Variants in CCNT2 observed in about 807,000 individuals in gnomAD.
CCNT2 encodes the protein cyclin-T2.
CCNT2 carries 18 observed loss-of-function variants against 70.0 expected under a neutral mutation model. The observed-to-expected ratio is 0.26, with a 90% CI of 0.18 to 0.38. CCNT2 has a LOEUF of 0.38. Among genes scored for constraint, CCNT2 ranks in the 10% least tolerant of loss-of-function variants. The pLI, the probability that CCNT2 is intolerant of heterozygous loss-of-function variation, is 1.00. For synonymous variants in CCNT2, 334 were observed against 313.3 expected, an observed-to-expected ratio of 1.07 and a Z score of -0.70; for missense variants, 734 against 890.2, an observed-to-expected ratio of 0.82 and a Z score of 2.23.
intron 5 of CCNT2, chr2:134,943,484 AG>A: frequency 3.0e-6 from 3 of 985,084 alleles, no homozygotes; most frequent in Non-Finnish European, 3.6e-6. Flanking sequence ...GTATTTTTCG[AG>A]GGTCTTTGAC....
chr2:134,919,915 A>G (rs1383943121), intron 2 of CCNT2, 24 bp downstream of exon 2: 2 of 1,515,852 alleles, frequency 1.3e-6, no homozygotes, highest in African/African-American at 2.8e-5. Context: ...GTCTGTTTTT[A>G]CTGTCCGCAA....
Position 134,957,328 on chromosome 2 carries a change from C to T in CCNT2, c.*2680C>T, listed in dbSNP as rs879404239. 5 of 152,046 alleles carry T rather than the reference C, an allele frequency of 3.3e-5. No individual in the cohort carries two copies. Among genetic ancestry groups the T allele is most frequent in the African/African-American group, 1.2e-4 (5 of 41,386 alleles). The allele number at this position is 152,046 out of a possible 1,614,324, so 9.4% of individuals were successfully genotyped here. ...TATGAAATTCCACATGTGCAAAGTA[C>T]TGTTAAGGTGATAACATTTTTGATG... On this transcript the variant is annotated 3_prime_UTR_variant, in exon 9 of 9. Coordinates refer to ENST00000264157, the MANE Select transcript of CCNT2 (RefSeq NM_058241.3).
intron 2 of CCNT2, among the ~76,000 whole-genome samples, chr2:134,921,615 A>G (rs1679914301): frequency 6.6e-6 from 1 of 152,174 alleles, no homozygotes; most frequent in South Asian, 2.1e-4. Flanking sequence ...CGGCCTCCCA[A>G]AGTGCTGGGA....
intron 5 of CCNT2, chr2:134,942,912 G>C (rs569786253): frequency 1.5e-6 from 2 of 1,320,634 alleles, no homozygotes; most frequent in Admixed American, 7.1e-5. Flanking sequence ...ACTCCGGAGG[G>C]CTTCCAAGTA....
chr2:134,922,447 A>C (rs1313312487), intron 2 of CCNT2, among the ~76,000 whole-genome samples: 2 of 152,246 alleles, frequency 1.3e-5, no homozygotes, highest in African/African-American at 4.8e-5. Context: ...AATCAGTATC[A>C]GCATGTTTTG....
chr2:134,922,398 C>G (rs1679979490), intron 2 of CCNT2, among the ~76,000 whole-genome samples: 1 of 152,020 alleles, frequency 6.6e-6, no homozygotes, highest in South Asian at 2.1e-4. Flanking sequence ...TTTAAAACCC[C>G]CAAAAGTAAT....
chr2:134,945,444 A>G (rs889172435), intron 5 of CCNT2: 14 of 985,266 alleles, frequency 1.4e-5, no homozygotes, highest in Non-Finnish European at 1.7e-5. Context: ...GTTGGGTATC[A>G]GTGTTGAAGC....
chr2:134,936,965 G>A lies in CCNT2; in HGVS notation c.365G>A (p.Cys122Tyr). The A allele has an allele frequency of 6.2e-7, 1 of 1,603,078 alleles. No individual in the cohort carries two copies. Among genetic ancestry groups the A allele is most frequent in the Non-Finnish European group, 8.5e-7 (1 of 1,172,966 alleles). Residue 122 changes from cysteine to tyrosine, a missense_variant, in exon 3 of 9, where the codon TGT (cysteine) becomes TAT (tyrosine). Coordinates refer to ENST00000264157, the MANE Select transcript of CCNT2 (RefSeq NM_058241.3). ...HPLEPLLDTK[C>Y]DAYLQQTQEL... ...CTAGAGCCACTGCTGGATACTAAATGTGATGTATGTAAATACTGGGTTTTT... is the reference window on the plus strand; with the variant it reads ...CTAGAGCCACTGCTGGATACTAAATATGATGTATGTAAATACTGGGTTTTT...
chr2:134,935,846 CAA>C (rs1276867881), intron 2 of CCNT2, among the ~76,000 whole-genome samples: 1 of 151,828 alleles, frequency 6.6e-6, no homozygotes, highest in Non-Finnish European at 1.5e-5. Context: ...CTCTGATTGG[CAA>C]AGTTTCTACT....
chr2:134,935,506 AT>A (rs1681081871), intron 2 of CCNT2, among the ~76,000 whole-genome samples: 1 of 152,174 alleles, frequency 6.6e-6, no homozygotes, highest in Non-Finnish European at 1.5e-5. Flanking sequence ...CCAGTTTGGC[AT>A]TGTTTCTGTA....
intron 1 of CCNT2, 36 bp from the exon 2 acceptor site, chr2:134,919,774 G>T (rs1679738650): frequency 1.3e-6 from 2 of 1,503,756 alleles, no homozygotes; most frequent in Admixed American, 1.8e-5. Flanking sequence ...ATGAGATCTT[G>T]CTTTTGTCAG....
At chr2:134,919,738 A>G in intron 1 of CCNT2, 72 bp from the exon 2 acceptor site, 1 of 1,207,446 alleles carries the variant, frequency 8.3e-7, no homozygotes, top group Non-Finnish European at 1.2e-6. Flanking sequence ...AGAACCTGGG[A>G]ATTTTCCATC....
chr2:134,925,692 G>A (rs1295870569), intron 2 of CCNT2, among the ~76,000 whole-genome samples: 1 of 152,030 alleles, frequency 6.6e-6, no homozygotes, highest in Non-Finnish European at 1.5e-5. Flanking sequence ...CATTTGGATT[G>A]TTAGCCACTT....
intron 5 of CCNT2, chr2:134,945,821 T>C (rs1681917851): frequency 7.0e-7 from 1 of 1,433,530 alleles, no homozygotes; most frequent in African/African-American, 1.4e-5. Context: ...GCTGACTAGA[T>C]GCTTAACTTA....
Position 134,952,771 on chromosome 2 carries a change from A to T in CCNT2, c.774+60A>T, listed in dbSNP as rs774617561. 1.6e-5 allele frequency: 19 copies of T among 1,183,910 alleles called. No individual in the cohort carries two copies. In the East Asian group the frequency reaches 4.5e-4, roughly 28 times the overall value. The allele number at this position is 1,183,910 out of a possible 1,614,324, so 73.3% of individuals were successfully genotyped here. On this transcript the variant is annotated intron_variant, in intron 8 of 8. Coordinates refer to ENST00000264157, the MANE Select transcript of CCNT2 (RefSeq NM_058241.3). ...TCTTTTATGTAACATTTACATAGCT[A>T]ACCAGTTTGAATTTTTGTGGTTAAA... is the stretch of plus-strand genomic sequence containing the variant.
chr2:134,942,596 G>T lies in CCNT2; in HGVS notation c.431-16G>T. 1 of 1,604,842 alleles carries T rather than the reference G, an allele frequency of 6.2e-7. No individual in the cohort carries two copies. The highest frequency in any genetic ancestry group is 1.1e-5 in the South Asian group (1 of 90,012). On this transcript the variant is annotated splice_polypyrimidine_tract_variant and intron_variant, in intron 4 of 8. Coordinates refer to ENST00000264157, the MANE Select transcript of CCNT2 (RefSeq NM_058241.3). ...TAGTGGTAAGAGATTGGAAAAAAAAGTGCTTATCATTTCAGGTTTTGAGAT... is the reference window on the plus strand; with the variant it reads ...TAGTGGTAAGAGATTGGAAAAAAAATTGCTTATCATTTCAGGTTTTGAGAT...
In CCNT2 at chr2:134,958,784, A is replaced by T. The variant is rs965637987; in HGVS notation, c.*4136A>T. Reference sequence around the variant, plus strand: ...ATTAATTTTCTGCTCTGCAGTGTCAATTTGGGCACAGCCAGTTTTTACCTC... The same window carrying T: ...ATTAATTTTCTGCTCTGCAGTGTCATTTTGGGCACAGCCAGTTTTTACCTC... On this transcript the variant is annotated 3_prime_UTR_variant, in exon 9 of 9. Coordinates refer to ENST00000264157, the MANE Select transcript of CCNT2 (RefSeq NM_058241.3). 5.3e-5 allele frequency: 8 copies of T among 152,166 alleles called. No individual in the cohort carries two copies. The highest frequency in any genetic ancestry group is 8.8e-5 in the Non-Finnish European group (6 of 68,032). 9.4% of individuals were successfully genotyped at this position (152,166 alleles called of 1,614,324 possible).
chr2:134,958,602 T>A lies in CCNT2; in HGVS notation c.*3954T>A, dbSNP rs776244094. The A allele has an allele frequency of 2.0e-5, 3 of 152,204 alleles. No individual in the cohort carries two copies. Among genetic ancestry groups the A allele is most frequent in the Non-Finnish European group, 2.9e-5 (2 of 68,036 alleles). The allele number at this position is 152,204 out of a possible 1,614,324, so 9.4% of individuals were successfully genotyped here. On this transcript the variant is annotated 3_prime_UTR_variant, in exon 9 of 9. Transcript: ENST00000264157. ...AGAATCACATTCTGATACGTTAATA[T>A]CAGAAATCAGTGAGCAACCTAATTG...
chr2:134,934,573 A>C (rs1681014763), intron 2 of CCNT2, among the ~76,000 whole-genome samples: 1 of 152,206 alleles, frequency 6.6e-6, no homozygotes, highest in African/African-American at 2.4e-5. Context: ...TTAAAGCCTC[A>C]CATGGATACT....
Sources: gnomAD v4.1 joint callset for allele counts (sites outside exome capture counted in the v4.1 genomes callset) on GRCh38, gnomAD v4.1.1 for gene constraint, MANE v1.5 for transcripts, NCBI Gene and HGNC (gene_info 2026-07-23, HGNC 2026-07-21) for gene names.